The following IQUB variants were observed in gnomAD, a reference collection of about 807,000 sequenced individuals.
IQUB encodes IQ motif and ubiquitin domain containing.
Under a neutral mutation model 86.4 loss-of-function variants are expected in IQUB, and 86 were observed. That is an observed-to-expected ratio of 1.00 (90% CI 0.84 to 1.19). The LOEUF (loss-of-function observed/expected upper bound fraction) is 1.19, where lower values mean the gene tolerates loss of function less well. Among genes scored for constraint, IQUB ranks in the 50% most tolerant of loss-of-function variants. IQUB has a pLI of 0.00. For missense variants in IQUB, 946 were observed against 916.9 expected (o/e 1.03, Z -0.41); for synonymous variants, 289 against 304.5 (o/e 0.95, Z 0.53).
intron 7 of IQUB, among the ~76,000 whole-genome samples, chr7:123,487,843 G>A (rs1403160159): frequency 6.6e-6 from 1 of 152,158 alleles, no homozygotes; most frequent in African/African-American, 2.4e-5. Context: ...CACTATAGAA[G>A]TTACCCATGA....
At chr7:123,475,373 C>CTTT (rs35957699) in intron 8 of IQUB, among the ~76,000 whole-genome samples, 12 of 92,928 alleles carry the variant, frequency 1.3e-4, no homozygotes, top group African/African-American at 3.6e-4. Flanking sequence ...CTCCATTTCA[C>CTTT]TTTTTTTTTT....
At chr7:123,487,293 A>G (rs971486493) in intron 7 of IQUB, among the ~76,000 whole-genome samples, 6 of 152,222 alleles carry the variant, frequency 3.9e-5, no homozygotes, top group Non-Finnish European at 5.9e-5. Flanking sequence ...AGTATCAGAT[A>G]GTTATTTATA....
Position 123,452,684 on chromosome 7 carries a change from G to GTAT in IQUB, c.*56_*58dup. 8.4e-7 allele frequency: 1 copy of GTAT among 1,188,554 alleles called. No homozygotes were observed. Among genetic ancestry groups the GTAT allele is most frequent in the Non-Finnish European group, 1.2e-6 (1 of 823,150 alleles). 73.6% of individuals were successfully genotyped at this position (1,188,554 alleles called of 1,614,324 possible). ...TCCATTTCCATACTCTGTGACCTCT[G>GTAT]TATTACCCTATTAGCAGTGAACAAA... On this transcript the variant is annotated 3_prime_UTR_variant, in exon 13 of 13. Transcript: ENST00000324698.
intron 1 of IQUB, among the ~76,000 whole-genome samples, chr7:123,525,544 G>A (rs903049073): frequency 2.0e-5 from 3 of 152,146 alleles, no homozygotes; most frequent in Admixed American, 2.0e-4. Context: ...GATAGGTGGT[G>A]ATATCCCCTT....
At chr7:123,459,636 A>G (rs1488041711) in intron 11 of IQUB, 1 of 151,910 alleles carries the variant, frequency 6.6e-6, no homozygotes, top group Non-Finnish European at 1.5e-5. Flanking sequence ...AAATCTCCTT[A>G]TATGTATATA....
chr7:123,499,540 G>A (rs1795849873), intron 6 of IQUB, among the ~76,000 whole-genome samples: 1 of 152,088 alleles, frequency 6.6e-6, no homozygotes, highest in Non-Finnish European at 1.5e-5. Context: ...ACATCACCAA[G>A]TCTCAAGCAT....
At position 123,509,987 on chromosome 7, in the gene IQUB, T is replaced by A. The variant is rs760433103; in HGVS notation, c.446A>T (p.Lys149Met). Reference sequence around the variant, plus strand: ...AAGATATTTAAGAATGGTATCAACCTTAAAAGGTATTACAATTTCCTGGCC... The same window carrying A: ...AAGATATTTAAGAATGGTATCAACCATAAAAGGTATTACAATTTCCTGGCC... ...PVGQEIVIPF[K>M]VDTILKYLKD... Residue 149 changes from lysine to methionine, a missense_variant, in exon 3 of 13, where the codon AAG (lysine) becomes ATG (methionine). Transcript: ENST00000324698. 6.3e-7 allele frequency: 1 copy of A among 1,594,888 alleles called. No individual in the cohort carries two copies. Among genetic ancestry groups the A allele is most frequent in the Admixed American group, 1.7e-5 (1 of 58,500 alleles).
chr7:123,458,729 G>A (rs570190118), intron 11 of IQUB, among the ~76,000 whole-genome samples: 60 of 151,898 alleles, frequency 4.0e-4, no homozygotes, highest in Non-Finnish European at 6.9e-4. Flanking sequence ...GCACATAAGT[G>A]TGGTTGACAG....
intron 3 of IQUB, among the ~76,000 whole-genome samples, chr7:123,506,709 A>G (rs1796193309): frequency 1.3e-5 from 2 of 152,330 alleles, no homozygotes; most frequent in Non-Finnish European, 2.9e-5. Flanking sequence ...ACAATTCAAC[A>G]TGAGATTTGG....
At chr7:123,459,251 G>A (rs1793868744) in intron 11 of IQUB, among the ~76,000 whole-genome samples, 1 of 151,946 alleles carries the variant, frequency 6.6e-6, no homozygotes, top group Non-Finnish European at 1.5e-5. Flanking sequence ...TTCAATATGT[G>A]TAATGGTTGA....
chr7:123,468,469 TC>T (rs931338813), intron 9 of IQUB, among the ~76,000 whole-genome samples: 2 of 152,186 alleles, frequency 1.3e-5, no homozygotes, highest in African/African-American at 4.8e-5. Context: ...GCGAGGCTCT[TC>T]CTGAGAATTG....
At chr7:123,491,507 A>T (rs1329038510) in intron 7 of IQUB, among the ~76,000 whole-genome samples, 1 of 152,178 alleles carries the variant, frequency 6.6e-6, no homozygotes, top group Non-Finnish European at 1.5e-5. Context: ...AGGTAACATC[A>T]CTATAGATCC....
chr7:123,464,901 T>C lies in IQUB; in HGVS notation c.1690A>G (p.Ile564Val). The C allele has an allele frequency of 6.2e-7, 1 of 1,607,418 alleles. No individual in the cohort carries two copies. The highest frequency in any genetic ancestry group is 8.5e-7 in the Non-Finnish European group (1 of 1,177,042). ...ATATAATGAAAAAAGAGTGTCGCAA[T>C]TCTTTTTCTGAGTCCTTCAAGGTTA... ...HHNLEGLRKRIATLFFHYIKT... is the reference protein window; with the variant it reads ...HHNLEGLRKRVATLFFHYIKT... Residue 564 changes from isoleucine (I) to valine (V), a missense_variant, in exon 10 of 13, where the codon ATT (isoleucine) becomes GTT (valine). Transcript: ENST00000324698.
chr7:123,484,572 C>A (rs544102965), intron 7 of IQUB, among the ~76,000 whole-genome samples: 56 of 151,930 alleles, frequency 3.7e-4, no homozygotes, highest in Non-Finnish European at 1.2e-4. Context: ...CAATAGAAAC[C>A]TTTAGAATCA....
At position 123,496,913 on chromosome 7, in the gene IQUB, T is replaced by C. The variant is rs1454455224; in HGVS notation, c.1024-7A>G. On this transcript the variant is annotated splice_region_variant and splice_polypyrimidine_tract_variant and intron_variant, in intron 6 of 12. Coordinates refer to ENST00000324698, the MANE Select transcript of IQUB (RefSeq NM_178827.5). ...AAGTCTGTATCACTATCACCTATAGTTAAATTAAAAGGAAATAGAAAGTGC... is the reference window on the plus strand; with the variant it reads ...AAGTCTGTATCACTATCACCTATAGCTAAATTAAAAGGAAATAGAAAGTGC... 1.3e-6 allele frequency: 2 copies of C among 1,567,824 alleles called. No homozygotes were observed. Among genetic ancestry groups the C allele is most frequent in the Non-Finnish European group, 1.7e-6 (2 of 1,155,656 alleles).
chr7:123,529,165 A>T (rs187262758), intron 1 of IQUB, among the ~76,000 whole-genome samples: 1 of 152,228 alleles, frequency 6.6e-6, no homozygotes, highest in African/African-American at 2.4e-5. Flanking sequence ...TATTTCAGAC[A>T]TGCTAATTTT....
intron 7 of IQUB, among the ~76,000 whole-genome samples, chr7:123,491,574 C>G (rs1189220276): frequency 6.6e-6 from 1 of 151,950 alleles, no homozygotes; most frequent in Non-Finnish European, 1.5e-5. Flanking sequence ...CCAATAAATC[C>G]AACAACTCAG....
intron 3 of IQUB, among the ~76,000 whole-genome samples, chr7:123,505,345 A>T (rs1796128206): frequency 6.6e-6 from 1 of 152,080 alleles, no homozygotes; most frequent in South Asian, 2.1e-4. Flanking sequence ...CACAGTGGGC[A>T]CTCTGTGTGG....
At chr7:123,502,573 C>A in intron 6 of IQUB, 24 bp downstream of exon 6, 1 of 1,597,016 alleles carries the variant, frequency 6.3e-7, no homozygotes, top group South Asian at 1.1e-5. Context: ...TTTTAGTATT[C>A]ATCCACAATA....
Sources: allele counts gnomAD v4.1 joint callset (sites outside exome capture counted in the v4.1 genomes callset), GRCh38; gene constraint gnomAD v4.1.1; transcripts MANE v1.5; gene names NCBI Gene and HGNC (gene_info 2026-07-23, HGNC 2026-07-21).